CACNA1A: variants seen among roughly 807,000 people sequenced by gnomAD.
The protein encoded by CACNA1A is voltage-dependent P/Q-type calcium channel subunit alpha-1A.
In CACNA1A, 57 loss-of-function variants were observed where a neutral mutation model predicts 262.4. That is an observed-to-expected ratio of 0.22 (90% CI 0.18 to 0.27). The LOEUF is 0.27. CACNA1A is among the 10% of genes least tolerant of loss of function. CACNA1A has a pLI of 1.00. For synonymous variants in CACNA1A, 1,431 were observed against 1,419.3 expected (o/e 1.01, Z -0.18); for missense variants, 2,526 against 3,562.8 (o/e 0.71, Z 7.41).
chr19:13,376,595 A>G (rs1466052185), intron 3 of CACNA1A, among the ~76,000 whole-genome samples: 2 of 148,692 alleles, frequency 1.3e-5, no homozygotes, highest in African/African-American at 4.9e-5. Flanking sequence ...TATGAGATAT[A>G]TAACACATAA....
chr19:13,244,994 C>T (rs1600158777), intron 31 of CACNA1A, 188 bp downstream of exon 31: 1 of 598,898 alleles, frequency 1.7e-6, no homozygotes, highest in East Asian at 2.8e-5. Flanking sequence ...CCCATCTCCC[C>T]ACAATGCCCT....
rs1018146298 is a variant in CACNA1A, at chr19:13,253,194, A to G, written c.4756-93T>C. ...GCTTCATGGCTGTTCTCCAGGCAAC[A>G]CTCCAGCCCCAGGCAAGGTCTGAGC... On this transcript the variant is annotated intron_variant, in intron 29 of 46. Transcript: ENST00000360228. The G allele has an allele frequency of 1.1e-5, 8 of 759,646 alleles. No homozygotes were observed. In the African/African-American group the frequency reaches 1.4e-4, roughly 13 times the overall value. 47.1% of individuals were successfully genotyped at this position (759,646 alleles called of 1,614,324 possible).
At chr19:13,428,303 T>G (rs1258061828) in intron 3 of CACNA1A, among the ~76,000 whole-genome samples, 1 of 152,234 alleles carries the variant, frequency 6.6e-6, no homozygotes, top group Non-Finnish European at 1.5e-5. Flanking sequence ...AAATGCTAGT[T>G]GTTATTCTCA....
intron 35 of CACNA1A, 56 bp from the exon 36 acceptor site, chr19:13,230,265 G>T: frequency 6.3e-7 from 1 of 1,588,876 alleles, no homozygotes; most frequent in East Asian, 2.2e-5. Flanking sequence ...GGGAATGAAT[G>T]AGTGAGTGAG....
intron 3 of CACNA1A, among the ~76,000 whole-genome samples, chr19:13,372,262 G>C (rs1232505368): frequency 6.6e-6 from 1 of 151,932 alleles, no homozygotes; most frequent in Admixed American, 6.6e-5. Context: ...TCTGCCTCCC[G>C]GGTTCAAGGG....
intron 24 of CACNA1A, among the ~76,000 whole-genome samples, chr19:13,270,078 G>C (rs1207232111): frequency 6.6e-6 from 1 of 152,100 alleles, no homozygotes; most frequent in Non-Finnish European, 1.5e-5. Flanking sequence ...GCATCATTCT[G>C]CTCACTGTGA....
At chr19:13,499,791 G>C (rs996231792) in intron 1 of CACNA1A, among the ~76,000 whole-genome samples, 7 of 152,112 alleles carry the variant, frequency 4.6e-5, no homozygotes, top group Non-Finnish European at 8.8e-5. Context: ...CCCTCTTTCA[G>C]AGCAGGCACC....
chr19:13,363,502 AAC>A (rs1279584469), intron 5 of CACNA1A: 2 of 131,400 alleles, frequency 1.5e-5, no homozygotes, highest in Non-Finnish European at 3.1e-5. Flanking sequence ...GGAAAAAAAA[AAC>A]CAACAAACCA....
At chr19:13,420,017 T>G (rs1205147949) in intron 3 of CACNA1A, among the ~76,000 whole-genome samples, 1 of 151,384 alleles carries the variant, frequency 6.6e-6, no homozygotes, top group Non-Finnish European at 1.5e-5. Context: ...ATCTGGAAGG[T>G]AGAGGTTGCA....
chr19:13,406,577 G>T (rs752879829), intron 3 of CACNA1A, among the ~76,000 whole-genome samples: 2 of 141,764 alleles, frequency 1.4e-5, no homozygotes, highest in Non-Finnish European at 3.0e-5. Flanking sequence ...AGGAGGAGAG[G>T]CTGGTGCATT....
At chr19:13,320,266 G>A (rs967888973) in intron 10 of CACNA1A, among the ~76,000 whole-genome samples, 1 of 150,256 alleles carries the variant, frequency 6.7e-6, no homozygotes, top group African/African-American at 2.4e-5. Context: ...GAGAGAGAGA[G>A]AGAGAGAGAA....
In CACNA1A at chr19:13,327,049, C is replaced by CA. The variant is rs1368787006; in HGVS notation, c.1345+3194dup. 2.0e-5 allele frequency among the ~76,000 whole-genome samples: 3 copies of CA among 151,846 alleles called. 1 individual carries two copies. In the East Asian group the frequency reaches 5.9e-4, roughly 30 times the overall value. On this transcript the variant is annotated intron_variant, in intron 10 of 46. Transcript: ENST00000360228. Reference sequence around the variant, plus strand: ...GACTACTGGCGTGTGCCACAATGCCCAGCTAATATTTGATAGAGACAGGGT... The same window carrying CA: ...GACTACTGGCGTGTGCCACAATGCCCAAGCTAATATTTGATAGAGACAGGGT...
intron 20 of CACNA1A, among the ~76,000 whole-genome samples, chr19:13,285,472 C>T (rs1334904415): frequency 6.6e-6 from 1 of 152,104 alleles, no homozygotes; most frequent in Non-Finnish European, 1.5e-5. Context: ...GCAGAGCTGG[C>T]ATTTGGAACC....
intron 3 of CACNA1A, among the ~76,000 whole-genome samples, chr19:13,399,115 G>A (rs2059856701): frequency 6.6e-6 from 1 of 152,144 alleles, no homozygotes; most frequent in Non-Finnish European, 1.5e-5. Flanking sequence ...ATTGAGACCT[G>A]GAACTTAGAG....
In CACNA1A at chr19:13,207,556, G is replaced by A. The variant is rs946451978; in HGVS notation, c.7278C>T (p.Gly2426=). 2.1e-6 allele frequency: 3 copies of A among 1,462,438 alleles called. No homozygotes were observed. The highest frequency in any genetic ancestry group is 2.7e-6 in the Non-Finnish European group (3 of 1,107,116). The allele number at this position is 1,462,438 out of a possible 1,614,324, so 90.6% of individuals were successfully genotyped here. A position where few individuals can be genotyped will look rare whatever the true frequency, so the allele number is the denominator to read the frequency against. The change falls in exon 47 of 47, where the codon GGC becomes GGT. Residue 2426 remains glycine, a synonymous_variant. Transcript: ENST00000360228. This position sits in a 1 kb window ranked among gnomAD's most constrained non-coding sequence, Gnocchi z 5.7. ...DEADGPGSGG[G]EEAMAGAYDA... ...CGTAGGCCCCGGCCATGGCCTCCTCGCCGCCCCCGCTGCCCGGGCCATCGG... is the reference window on the plus strand; with the variant it reads ...CGTAGGCCCCGGCCATGGCCTCCTCACCGCCCCCGCTGCCCGGGCCATCGG...
Position 13,207,030 on chromosome 19 carries a change from T to G in CACNA1A, c.*283A>C. ...AGTTAATTCAAATCCCTTGGCTGTG[T>G]GGTTTGTCTGCTCCCTGCCTCCCAC... On this transcript the variant is annotated 3_prime_UTR_variant, in exon 47 of 47. Transcript: ENST00000360228. This position sits in a 1 kb window ranked among gnomAD's most constrained non-coding sequence, Gnocchi z 5.7. 1.6e-5 allele frequency: 3 copies of G among 191,964 alleles called. No individual in the cohort carries two copies. The highest frequency in any genetic ancestry group is 1.4e-4 in the East Asian group (1 of 7,256). 11.9% of individuals were successfully genotyped at this position (191,964 alleles called of 1,614,324 possible).
intron 31 of CACNA1A, among the ~76,000 whole-genome samples, chr19:13,238,110 G>T (rs1568449761): frequency 6.6e-6 from 1 of 152,114 alleles, no homozygotes; most frequent in Non-Finnish European, 1.5e-5. Context: ...TTGGGGCAGT[G>T]GGGGAAGGGT....
intron 20 of CACNA1A, among the ~76,000 whole-genome samples, chr19:13,285,869 C>T (rs1000751817): frequency 6.6e-6 from 1 of 151,812 alleles, no homozygotes; most frequent in African/African-American, 2.4e-5. Flanking sequence ...CATGGAAAGC[C>T]TTTATCCAGC....
At chr19:13,357,143 A>G (rs2059019680) in intron 6 of CACNA1A, among the ~76,000 whole-genome samples, 1 of 152,200 alleles carries the variant, frequency 6.6e-6, no homozygotes. Flanking sequence ...GATCAGGATT[A>G]CAAGGATGAG....
Sources: gnomAD v4.1 joint callset for allele counts (sites outside exome capture counted in the v4.1 genomes callset) on GRCh38, gnomAD v4.1.1 for gene constraint, Gnocchi (gnomAD v3.1) non-coding constraint, MANE v1.5 for transcripts, NCBI Gene and HGNC (gene_info 2026-07-23, HGNC 2026-07-21) for gene names.